Variants in MACROD2 observed in about 807,000 individuals in gnomAD.
MACROD2 encodes mono-ADP ribosylhydrolase 2, also known as ADP-ribose glycohydrolase MACROD2.
In MACROD2, 36 loss-of-function variants were observed where a neutral mutation model predicts 70.4. The ratio of observed to expected loss-of-function variants is 0.51; its 90% confidence interval spans 0.39 to 0.68. The LOEUF (loss-of-function observed/expected upper bound fraction) is 0.68, where lower values mean the gene tolerates loss of function less well. MACROD2 is among the 30% of genes least tolerant of loss of function. MACROD2 has a pLI of 0.00. For missense variants in MACROD2, 496 were observed against 538.4 expected, an observed-to-expected ratio of 0.92 and a Z score of 0.78; for synonymous variants, 172 against 178.8, an observed-to-expected ratio of 0.96 and a Z score of 0.30.
intron 8 of MACROD2, among the ~76,000 whole-genome samples, chr20:15,751,599 A>G (rs898384873): frequency 1.3e-5 from 2 of 151,780 alleles, no homozygotes; most frequent in African/African-American, 4.8e-5. Context: ...ATGCCCTAAT[A>G]TTGTCTCTAG....
chr20:15,208,399 G>A lies in MACROD2; in HGVS notation c.419-21541G>A, dbSNP rs75369055. ...CTTTAAAATCTTAGTTTTAACACCT[G>A]TGTCATCTCTTTGTTGGGTCTGTTG... On this transcript the variant is annotated intron_variant, in intron 5 of 17. Transcript: ENST00000684519. Among the ~76,000 whole-genome samples, 1,235 of 152,260 alleles carry A rather than the reference G, an allele frequency of 8.1e-3. 15 individuals are homozygous for A. The highest frequency in any genetic ancestry group is 0.028 in the African/African-American group (1,174 of 41,542).
At chr20:14,305,362 G>T (rs545302401) in intron 3 of MACROD2, among the ~76,000 whole-genome samples, 4 of 152,066 alleles carry the variant, frequency 2.6e-5, no homozygotes, top group Admixed American at 1.3e-4. Context: ...TAACCTTCAT[G>T]AGTGCGTACA....
In MACROD2 at chr20:14,045,084, GC is replaced by G. The variant is rs568797943; in HGVS notation, c.164-40534del. Among the ~76,000 whole-genome samples, 322 of 152,346 alleles carry G rather than the reference GC, an allele frequency of 2.1e-3. 2 individuals carry two copies. The highest frequency in any genetic ancestry group is 3.9e-3 in the Non-Finnish European group (265 of 68,022). On this transcript the variant is annotated intron_variant, in intron 2 of 17. Transcript: ENST00000684519. ...GCCGGCTTGCCGCTCCGAGTGCGGG[GC>G]CCGAGGAGCCCACGCCCACCTGGAA... is the stretch of plus-strand genomic sequence containing the variant.
intron 6 of MACROD2, among the ~76,000 whole-genome samples, chr20:15,401,198 C>T (rs988271307): frequency 4.1e-4 from 62 of 152,162 alleles, no homozygotes; most frequent in African/African-American, 1.3e-3. Context: ...CCACCACGCC[C>T]GGCTAATTTT....
intron 3 of MACROD2, among the ~76,000 whole-genome samples, chr20:14,135,604 A>T (rs2054784728): frequency 6.6e-6 from 1 of 152,132 alleles, no homozygotes; most frequent in Non-Finnish European, 1.5e-5. Context: ...TGAGCCCAGG[A>T]GCTCAAGGTT....
At chr20:15,477,105 T>G (rs1013296144) in intron 7 of MACROD2, among the ~76,000 whole-genome samples, 1 of 147,086 alleles carries the variant, frequency 6.8e-6, no homozygotes, top group Non-Finnish European at 1.5e-5. Flanking sequence ...TTTAGTTTTT[T>G]TTTTTTTTTT....
chr20:14,183,984 G>T (rs1005094194), intron 3 of MACROD2, among the ~76,000 whole-genome samples: 1 of 152,080 alleles, frequency 6.6e-6, no homozygotes, highest in Non-Finnish European at 1.5e-5. Flanking sequence ...CATTCTCTAG[G>T]TTGTCTGTTT....
chr20:15,691,849 C>T (rs1413603981), intron 8 of MACROD2, among the ~76,000 whole-genome samples: 1 of 152,154 alleles, frequency 6.6e-6, no homozygotes, highest in Non-Finnish European at 1.5e-5. Context: ...GTAATGACTC[C>T]AACTGCTGTT....
chr20:15,457,847 T>C (rs1182177846), intron 7 of MACROD2, among the ~76,000 whole-genome samples: 2 of 152,028 alleles, frequency 1.3e-5, no homozygotes, highest in Admixed American at 6.6e-5. Flanking sequence ...TCTTATCTCT[T>C]GTTCTAATGA....
intron 4 of MACROD2, among the ~76,000 whole-genome samples, chr20:14,605,886 A>G (rs1271994434): frequency 6.6e-6 from 1 of 152,188 alleles, no homozygotes; most frequent in Non-Finnish European, 1.5e-5. Context: ...AACACCTGTT[A>G]GGAAATGCAG....
At chr20:14,632,593 C>T (rs992437069) in intron 4 of MACROD2, among the ~76,000 whole-genome samples, 1 of 152,026 alleles carries the variant, frequency 6.6e-6, no homozygotes, top group African/African-American at 2.4e-5. Flanking sequence ...TATCTCAATA[C>T]CAACCTGCTA....
chr20:15,937,652 T>G (rs2147331595), intron 12 of MACROD2, 108 bp downstream of exon 12: 1 of 960,056 alleles, frequency 1.0e-6, no homozygotes, highest in Admixed American at 1.8e-5. Context: ...CTAGGTTTTC[T>G]TAAGTGTCTC....
At chr20:14,591,730 G>C (rs769458552) in intron 4 of MACROD2, among the ~76,000 whole-genome samples, 1 of 152,202 alleles carries the variant, frequency 6.6e-6, no homozygotes, top group African/African-American at 2.4e-5. Context: ...GTTCTGCAGA[G>C]AGGGGCAATA....
intron 3 of MACROD2, among the ~76,000 whole-genome samples, chr20:14,423,381 T>C (rs1046177554): frequency 3.4e-5 from 5 of 146,188 alleles, no homozygotes; most frequent in Non-Finnish European, 7.5e-5. Flanking sequence ...TTCTGGGGGA[T>C]GGGGGCAGGC....
intron 8 of MACROD2, among the ~76,000 whole-genome samples, chr20:15,803,989 C>T (rs565337127): frequency 1.3e-5 from 2 of 152,164 alleles, no homozygotes; most frequent in Non-Finnish European, 2.9e-5. Context: ...AGATTTTAGA[C>T]TCCCAAAGAA....
At chr20:14,166,127 C>T (rs535080378) in intron 3 of MACROD2, among the ~76,000 whole-genome samples, 47 of 152,154 alleles carry the variant, frequency 3.1e-4, no homozygotes, top group Middle Eastern at 3.4e-3. Context: ...ACAATTCACA[C>T]AGATTGTCCC....
intron 6 of MACROD2, among the ~76,000 whole-genome samples, chr20:15,273,417 C>CATATATAT (rs59038211): frequency 1.4e-5 from 2 of 147,648 alleles, no homozygotes; most frequent in African/African-American, 2.5e-5. Flanking sequence ...AACTCCCCTC[C>CATATATAT]ATATATATAT....
intron 8 of MACROD2, among the ~76,000 whole-genome samples, chr20:15,586,721 G>T (rs1369570041): frequency 2.0e-5 from 3 of 152,030 alleles, no homozygotes; most frequent in African/African-American, 7.2e-5. Flanking sequence ...CAAACTATTT[G>T]TACAATAGAA....
At chr20:14,898,434 A>G (rs1203835553) in intron 5 of MACROD2, among the ~76,000 whole-genome samples, 6 of 152,202 alleles carry the variant, frequency 3.9e-5, no homozygotes, top group South Asian at 2.1e-4. Context: ...TCAACTAATA[A>G]CATTTGGAAA....
Sources: allele counts gnomAD v4.1 joint callset (sites outside exome capture counted in the v4.1 genomes callset), GRCh38; gene constraint gnomAD v4.1.1; transcripts MANE v1.5; gene names NCBI Gene and HGNC (gene_info 2026-07-23, HGNC 2026-07-21).